ERC2: variants seen among roughly 807,000 people sequenced by gnomAD.
The protein encoded by ERC2 is ERC protein 2.
In ERC2, 42 loss-of-function variants were observed where a neutral mutation model predicts 114.8. The observed-to-expected ratio is 0.37, with a 90% CI of 0.29 to 0.47. ERC2 has a LOEUF of 0.47. ERC2 is among the 20% of genes least tolerant of loss of function. The pLI, the probability that ERC2 is intolerant of heterozygous loss-of-function variation, is 0.99. For synonymous variants in ERC2, 454 were observed against 425.5 expected (o/e 1.07, Z -0.82); for missense variants, 939 against 1,150.7 (o/e 0.82, Z 2.66).
chr3:56,078,147 G>C (rs9866234), intron 7 of ERC2, among the ~76,000 whole-genome samples: 30,205 of 151,926 alleles, frequency 0.2, 3,365 homozygotes, highest in African/African-American at 0.3. Context: ...AATCTCTCCT[G>C]AGCTCTCTTC....
chr3:55,677,466 C>A (rs73071608), intron 17 of ERC2, among the ~76,000 whole-genome samples: 19,622 of 152,138 alleles, frequency 0.13, 1,545 homozygotes, highest in East Asian at 0.32. Context: ...ATACAGTACA[C>A]TTTCCTGAGC....
intron 7 of ERC2, among the ~76,000 whole-genome samples, chr3:56,052,498 G>T (rs1452627162): frequency 6.6e-6 from 1 of 152,204 alleles, no homozygotes; most frequent in Admixed American, 6.5e-5. Flanking sequence ...TGGCAGAACT[G>T]AATATTTGCA....
In ERC2 at chr3:56,230,850, C is replaced by T. The variant is rs531630563; in HGVS notation, c.1075-57330G>A. 7.2e-5 allele frequency among the ~76,000 whole-genome samples: 11 copies of T among 152,298 alleles called. 1 individual carries two copies. In the South Asian group the frequency reaches 1.0e-3, roughly 14 times the overall value. ...TGTTCTTTGCCACTTCTCTCAGTAT[C>T]TCCAGGACACACATTACCTCTTATA... On this transcript the variant is annotated intron_variant, in intron 3 of 17. Coordinates refer to ENST00000288221, the MANE Select transcript of ERC2 (RefSeq NM_015576.3).
chr3:56,264,670 C>T (rs1209114639), intron 3 of ERC2, among the ~76,000 whole-genome samples: 1 of 151,300 alleles, frequency 6.6e-6, no homozygotes. Flanking sequence ...AAAATTATCC[C>T]TATTTGTAAG....
chr3:55,709,903 C>A (rs1247902849), intron 15 of ERC2, among the ~76,000 whole-genome samples: 1 of 152,128 alleles, frequency 6.6e-6, no homozygotes, highest in African/African-American at 2.4e-5. Context: ...GGAGGGGGAA[C>A]AAATCCCTCT....
chr3:55,681,781 T>C (rs1257150135), intron 17 of ERC2, among the ~76,000 whole-genome samples: 1 of 152,258 alleles, frequency 6.6e-6, no homozygotes, highest in Admixed American at 6.5e-5. Flanking sequence ...TAGGGCTTAA[T>C]ACAATCGTCT....
chr3:56,034,797 C>A (rs185615229), intron 7 of ERC2, among the ~76,000 whole-genome samples: 65 of 151,694 alleles, frequency 4.3e-4, no homozygotes, highest in African/African-American at 1.6e-3. Context: ...ACATAGCATA[C>A]AAAAATGTAG....
intron 13 of ERC2, among the ~76,000 whole-genome samples, chr3:55,924,975 T>C (rs1335331729): frequency 1.3e-5 from 2 of 152,204 alleles, no homozygotes; most frequent in African/African-American, 2.4e-5. Flanking sequence ...CACATCTCTC[T>C]GAAGACTGGT....
At chr3:56,454,858 C>CAAAA (rs1491351849) in intron 1 of ERC2, among the ~76,000 whole-genome samples, 2 of 21,632 alleles carry the variant, frequency 9.2e-5, no homozygotes, top group South Asian at 2.2e-3. Flanking sequence ...GACTCTGTCT[C>CAAAA]AGAAAAAAAA....
intron 17 of ERC2, among the ~76,000 whole-genome samples, chr3:55,569,364 G>A (rs1261644916): frequency 6.6e-6 from 1 of 152,196 alleles, no homozygotes; most frequent in East Asian, 1.9e-4. Context: ...GCATGTTTAA[G>A]TTCAGTGGCT....
intron 16 of ERC2, among the ~76,000 whole-genome samples, chr3:55,689,060 G>C (rs928490769): frequency 2.6e-5 from 4 of 152,094 alleles, no homozygotes; most frequent in Admixed American, 6.5e-5. Context: ...GACACACTGG[G>C]GTGTCTCTCA....
At chr3:56,075,889 A>G (rs769061758) in intron 7 of ERC2, among the ~76,000 whole-genome samples, 11 of 152,196 alleles carry the variant, frequency 7.2e-5, no homozygotes, top group Non-Finnish European at 1.2e-4. Flanking sequence ...GGAAATCTCT[A>G]TGTTCTGTAT....
intron 14 of ERC2, among the ~76,000 whole-genome samples, chr3:55,738,447 G>A (rs2065776897): frequency 6.6e-6 from 1 of 152,130 alleles, no homozygotes; most frequent in Non-Finnish European, 1.5e-5. Flanking sequence ...CGGTCATCAA[G>A]TAAACAGCAG....
At chr3:56,191,842 T>C (rs141743953) in intron 3 of ERC2, among the ~76,000 whole-genome samples, 71 of 152,108 alleles carry the variant, frequency 4.7e-4, no homozygotes, top group African/African-American at 1.7e-3. Flanking sequence ...TGAACTCAAA[T>C]CTCATCTGCT....
intron 3 of ERC2, among the ~76,000 whole-genome samples, chr3:56,254,071 G>A (rs2052355533): frequency 6.6e-6 from 1 of 152,246 alleles, no homozygotes. Context: ...TTGTCAGTTA[G>A]TTTAGATGGA....
chr3:55,536,405 G>A (rs956206429), intron 17 of ERC2, among the ~76,000 whole-genome samples: 2 of 152,138 alleles, frequency 1.3e-5, no homozygotes, highest in African/African-American at 4.8e-5. Flanking sequence ...CTCCCAGCTG[G>A]GCTGTGAGCT....
intron 2 of ERC2, among the ~76,000 whole-genome samples, chr3:56,397,311 T>A (rs1026657331): frequency 1.1e-4 from 17 of 149,042 alleles, no homozygotes; most frequent in Non-Finnish European, 1.5e-5. Flanking sequence ...ATTGCACCAC[T>A]GCACTCCAGC....
chr3:55,641,350 G>A (rs1405930498), intron 17 of ERC2, among the ~76,000 whole-genome samples: 4 of 152,086 alleles, frequency 2.6e-5, no homozygotes, highest in Non-Finnish European at 5.9e-5. Flanking sequence ...AGGAGTTCGA[G>A]ACCAGCCATG....
chr3:55,941,482 C>A (rs981375152), intron 13 of ERC2, among the ~76,000 whole-genome samples: 1 of 152,142 alleles, frequency 6.6e-6, no homozygotes, highest in African/African-American at 2.4e-5. Flanking sequence ...ACTGCTACGG[C>A]CTTTGCTGCA....
Sources: gnomAD v4.1 joint callset for allele counts (sites outside exome capture counted in the v4.1 genomes callset) on GRCh38, gnomAD v4.1.1 for gene constraint, MANE v1.5 for transcripts, NCBI Gene and HGNC (gene_info 2026-07-23, HGNC 2026-07-21) for gene names.